Variants in HTT observed in about 807,000 individuals in gnomAD.
HTT encodes the protein huntington disease protein.
A neutral mutation model predicts 362.3 loss-of-function variants in HTT; 104 were observed. The ratio of observed to expected loss-of-function variants is 0.29; its 90% confidence interval spans 0.24 to 0.34. HTT has a LOEUF of 0.34. Ranked by LOEUF, HTT falls within the 10% of genes least tolerant of loss-of-function variation. The probability of loss-of-function intolerance (pLI) is 1.00; values close to 1 mark genes in which losing one functional copy is unlikely to be tolerated. For synonymous variants in HTT, 1,577 were observed against 1,548.7 expected, an observed-to-expected ratio of 1.02 and a Z score of -0.43; for missense variants, 3,301 against 3,928.6, an observed-to-expected ratio of 0.84 and a Z score of 4.27.
chr4:3,133,628 A>C (rs1264775622), intron 18 of HTT, among the ~76,000 whole-genome samples: 2 of 152,138 alleles, frequency 1.3e-5, no homozygotes, highest in South Asian at 2.1e-4. Flanking sequence ...TATAAAGTGG[A>C]ATAGGCTCAA....
chr4:3,154,402 G>T lies in HTT; in HGVS notation c.3608G>T (p.Gly1203Val). 5 of 1,614,062 alleles carry T rather than the reference G, an allele frequency of 3.1e-6. No homozygotes were observed. The highest frequency in any genetic ancestry group is 4.2e-6 in the Non-Finnish European group (5 of 1,179,968). The change falls in exon 27 of 67, where the codon GGC (glycine) becomes GTC (valine). Residue 1203 changes from glycine to valine, a missense_variant. Transcript: ENST00000355072. Reference sequence around the variant, plus strand: ...TCTGTACCGTTGAGTCCCAAGAAAGGCAGTGAGGCCAGTGCAGGTAGGAAA... The same window carrying T: ...TCTGTACCGTTGAGTCCCAAGAAAGTCAGTGAGGCCAGTGCAGGTAGGAAA... Reference protein sequence around the residue: ...QASVPLSPKKGSEASAASRQS... With the variant: ...QASVPLSPKKVSEASAASRQS...
chr4:3,196,646 G>A (rs2110258446), intron 40 of HTT, among the ~76,000 whole-genome samples: 1 of 152,012 alleles, frequency 6.6e-6, no homozygotes, highest in East Asian at 1.9e-4. Flanking sequence ...CCTGAGACAG[G>A]AGGATCAATT....
intron 21 of HTT, among the ~76,000 whole-genome samples, chr4:3,138,607 C>G (rs996376987): frequency 6.6e-6 from 1 of 152,072 alleles, no homozygotes; most frequent in African/African-American, 2.4e-5. Flanking sequence ...GTTGATACTT[C>G]TCTTTATTTA....
chr4:3,232,518 G>A (rs567478746), intron 60 of HTT, among the ~76,000 whole-genome samples: 3 of 152,242 alleles, frequency 2.0e-5, no homozygotes, highest in Non-Finnish European at 4.4e-5. Context: ...TGGATACTAA[G>A]TGAAATTGAG....
At chr4:3,225,001 G>C (rs1259003298) in intron 56 of HTT, among the ~76,000 whole-genome samples, 2 of 152,134 alleles carry the variant, frequency 1.3e-5, no homozygotes, top group Non-Finnish European at 2.9e-5. Flanking sequence ...GGGAGCAAGT[G>C]CTTCCAGGGA....
rs569212389 is a variant in HTT at position 3,116,302 on chromosome 4, T to C, written c.1068+39T>C. Reference sequence around the variant, plus strand: ...GTTTACTCTAGGCCCTGCATGTGAATGACTGACATTCAAAGAACCGATTAA... The same window carrying C: ...GTTTACTCTAGGCCCTGCATGTGAACGACTGACATTCAAAGAACCGATTAA... On this transcript the variant is annotated intron_variant, in intron 8 of 66. Coordinates refer to ENST00000355072, the MANE Select transcript of HTT (RefSeq NM_001388492.1). 2.0e-6 allele frequency: 3 copies of C among 1,516,058 alleles called. No homozygotes were observed. In the South Asian group the frequency reaches 3.4e-5, roughly 17 times the overall value. 93.9% of individuals were successfully genotyped at this position (1,516,058 alleles called of 1,614,324 possible). A position where few individuals can be genotyped will look rare whatever the true frequency, so the allele number is the denominator to read the frequency against.
At chr4:3,186,158 G>C (rs1057182971) in intron 37 of HTT, among the ~76,000 whole-genome samples, 1 of 151,962 alleles carries the variant, frequency 6.6e-6, no homozygotes. Flanking sequence ...ACACCACTTA[G>C]CATTTGTTAC....
intron 40 of HTT, among the ~76,000 whole-genome samples, chr4:3,197,153 C>T (rs750340762): frequency 4.6e-5 from 7 of 152,110 alleles, no homozygotes; most frequent in South Asian, 4.1e-4. Flanking sequence ...TTGTGTTCCT[C>T]GAGTTGCTGT....
intron 33 of HTT, 145 bp from the exon 34 acceptor site, chr4:3,177,187 T>C (rs1718280689): frequency 1.5e-6 from 1 of 662,692 alleles, no homozygotes; most frequent in African/African-American, 1.9e-5. Flanking sequence ...TAGGCTGATT[T>C]CAGAATAGAG....
At position 3,105,376 on chromosome 4, in the gene HTT, T is replaced by C; in HGVS notation, c.548T>C (p.Leu183Ser). ...EIKKNGAPRS[L>S]RAALWRFAEL... ...CCTCAGAATGGTGCCCCTCGGAGTT[T>C]GCGTGCTGCCCTGTGGAGGTTTGCT... is the stretch of plus-strand genomic sequence containing the variant. The change falls in exon 5 of 67, where the codon TTG becomes TCG. Residue 183 changes from leucine (L) to serine (S), a missense_variant. Physicochemically the swap from Leu to Ser is moderately radical, Grantham distance 145. Around this residue, in one of 4 missense-constraint regions of HTT, gnomAD observed 2,316 missense variants for 2,658.5 expected, o/e 0.87. Coordinates refer to ENST00000355072, the MANE Select transcript of HTT (RefSeq NM_001388492.1). 1.2e-6 allele frequency: 2 copies of C among 1,614,042 alleles called. No homozygotes were observed. The highest frequency in any genetic ancestry group is 1.7e-6 in the Non-Finnish European group (2 of 1,179,886).
intron 6 of HTT, among the ~76,000 whole-genome samples, chr4:3,114,507 G>A (rs1714924305): frequency 6.6e-6 from 1 of 152,222 alleles, no homozygotes; most frequent in African/African-American, 2.4e-5. Flanking sequence ...TCAGATGCCA[G>A]TTACTAGTTT....
rs1036966246 is a variant in HTT, at chr4:3,075,083, C to T, written c.258C>T (p.His86=). ...PGPAVAEEPL[H]RPKKELSATK... ...CGGCTGTGGCTGAGGAGCCGCTGCA[C>T]CGACCGTGAGTTTGGGCCCGCTGCA... Residue 86 remains histidine (H), a synonymous_variant, in exon 1 of 67, where the codon CAC becomes CAT. Transcript: ENST00000355072. The T allele has an allele frequency of 1.1e-5, 13 of 1,236,990 alleles. No homozygotes were observed. In the African/African-American group the frequency reaches 2.0e-4, roughly 19 times the overall value. The allele number at this position is 1,236,990 out of a possible 1,614,324, so 76.6% of individuals were successfully genotyped here.
intron 27 of HTT, among the ~76,000 whole-genome samples, chr4:3,156,184 A>T (rs1280678769): frequency 6.6e-6 from 1 of 152,070 alleles, no homozygotes; most frequent in Non-Finnish European, 1.5e-5. Flanking sequence ...CCATGGCACG[A>T]TCTCATCTCA....
intron 33 of HTT, 34 bp downstream of exon 33, chr4:3,175,141 G>C: frequency 1.9e-6 from 3 of 1,577,360 alleles, no homozygotes; most frequent in African/African-American, 1.4e-5. Context: ...CATCATACCT[G>C]TTCCTAATTT....
rs750061579 is a variant in HTT at position 3,207,264 on chromosome 4, G to A, written c.6076-17G>A. 28 of 1,610,076 alleles carry A rather than the reference G, an allele frequency of 1.7e-5. No individual in the cohort carries two copies. The highest frequency in any genetic ancestry group is 2.4e-5 in the Non-Finnish European group (28 of 1,176,706). ...TGTTAGGTGTTACAAACACACTAAT[G>A]TGTTTTTGTCTATTAGAGCAGCATG... On this transcript the variant is annotated splice_polypyrimidine_tract_variant and intron_variant, in intron 44 of 66. Coordinates refer to ENST00000355072, the MANE Select transcript of HTT (RefSeq NM_001388492.1).
chr4:3,219,059 G>A (rs1720554653), intron 52 of HTT, among the ~76,000 whole-genome samples: 1 of 152,234 alleles, frequency 6.6e-6, no homozygotes, highest in African/African-American at 2.4e-5. Context: ...TATTCCAGAT[G>A]GCGGGCTTAT....
chr4:3,201,484 C>T (rs1356802331), intron 41 of HTT, among the ~76,000 whole-genome samples: 3 of 142,862 alleles, frequency 2.1e-5, no homozygotes, highest in African/African-American at 8.0e-5. Context: ...GAGCTGAGAT[C>T]GCGCCACTGC....
intron 10 of HTT, chr4:3,123,323 A>G (rs28583552): frequency 0.055 from 9,378 of 169,138 alleles, 440 homozygotes; most frequent in African/African-American, 0.13. Flanking sequence ...GACATGAGCT[A>G]CTGGCCAGCT....
At chr4:3,098,372 A>T (rs1713972436) in intron 2 of HTT, among the ~76,000 whole-genome samples, 1 of 152,240 alleles carries the variant, frequency 6.6e-6, no homozygotes, top group South Asian at 2.1e-4. Context: ...AGAAAGAGAC[A>T]TTTGGTTTCA....
Sources: gnomAD v4.1 joint callset for allele counts (sites outside exome capture counted in the v4.1 genomes callset) on GRCh38, gnomAD v4.1.1 for gene constraint, gnomAD v4.1.1 regional missense constraint, MANE v1.5 for transcripts, NCBI Gene and HGNC (gene_info 2026-07-23, HGNC 2026-07-21) for gene names.